CDH18: variants seen among roughly 807,000 people sequenced by gnomAD.
CDH18 encodes cadherin-18.
CDH18 carries 31 observed loss-of-function variants against 67.9 expected under a neutral mutation model. The ratio of observed to expected loss-of-function variants is 0.46; its 90% CI spans 0.34 to 0.62. The LOEUF (loss-of-function observed/expected upper bound fraction) is 0.62. CDH18 is among the 20% of genes least tolerant of loss of function. The pLI is 0.01. For synonymous variants in CDH18, 362 were observed against 347.2 expected (o/e 1.04, Z -0.48); for missense variants, 890 against 975.5 (o/e 0.91, Z 1.17).
chr5:19,816,810 C>A (rs967607485), intron 3 of CDH18, among the ~76,000 whole-genome samples: 1 of 151,632 alleles, frequency 6.6e-6, no homozygotes, highest in African/African-American at 2.4e-5. Context: ...ACTCTGAAAA[C>A]CAGTACCCTC....
chr5:19,805,719 T>C (rs1237995846), intron 3 of CDH18, among the ~76,000 whole-genome samples: 8 of 152,240 alleles, frequency 5.3e-5, no homozygotes, highest in African/African-American at 9.6e-5. Context: ...CCTTTTTTTT[T>C]CCCTTTCAAC....
intron 3 of CDH18, among the ~76,000 whole-genome samples, chr5:19,765,591 A>G (rs534851029): frequency 2.7e-3 from 410 of 152,302 alleles, no homozygotes; most frequent in Non-Finnish European, 4.9e-3. Context: ...TAAAAACACA[A>G]TGAAGCTAAT....
intron 2 of CDH18, among the ~76,000 whole-genome samples, chr5:20,032,405 G>GA (rs1258323848): frequency 3.3e-5 from 5 of 151,894 alleles, no homozygotes; most frequent in Admixed American, 1.3e-4. Context: ...GAACTTTAAA[G>GA]AAAAAATAGA....
intron 2 of CDH18, among the ~76,000 whole-genome samples, chr5:19,967,801 C>T (rs1343827992): frequency 6.6e-6 from 1 of 152,116 alleles, no homozygotes; most frequent in East Asian, 1.9e-4. Context: ...TGCCCTCTCT[C>T]ACCACTCCTA....
intron 5 of CDH18, among the ~76,000 whole-genome samples, chr5:19,669,413 C>A (rs1053020729): frequency 2.0e-5 from 3 of 151,640 alleles, no homozygotes; most frequent in Admixed American, 6.6e-5. Flanking sequence ...CTGCCTCAGC[C>A]GCCTGAGTAG....
intron 2 of CDH18, among the ~76,000 whole-genome samples, chr5:19,869,624 G>A (rs1290781907): frequency 6.6e-6 from 1 of 151,968 alleles, no homozygotes; most frequent in African/African-American, 2.4e-5. Flanking sequence ...ATGACTTCTT[G>A]TTCTTGGAAG....
chr5:20,069,666 C>T (rs1743297381), intron 2 of CDH18, among the ~76,000 whole-genome samples: 1 of 152,070 alleles, frequency 6.6e-6, no homozygotes, highest in African/African-American at 2.4e-5. Context: ...CCACCTCAGC[C>T]TCCAAAAGTG....
chr5:19,677,212 G>A (rs527772889), intron 5 of CDH18, among the ~76,000 whole-genome samples: 17 of 152,170 alleles, frequency 1.1e-4, no homozygotes, highest in African/African-American at 4.1e-4. Flanking sequence ...GTAACTTTCA[G>A]CAGAAACCAT....
intron 7 of CDH18, among the ~76,000 whole-genome samples, chr5:19,575,475 A>G (rs1302613157): frequency 1.3e-5 from 2 of 152,204 alleles, no homozygotes; most frequent in African/African-American, 4.8e-5. Flanking sequence ...TGACATATAC[A>G]AAAGATCATT....
intron 3 of CDH18, among the ~76,000 whole-genome samples, chr5:19,795,796 G>A (rs1369222988): frequency 6.6e-6 from 1 of 151,746 alleles, no homozygotes; most frequent in Non-Finnish European, 1.5e-5. Context: ...ATCTGACAAG[G>A]GTTTAAAAGT....
intron 2 of CDH18, among the ~76,000 whole-genome samples, chr5:19,902,889 G>C (rs116377834): frequency 0.02 from 2,977 of 152,142 alleles, 87 homozygotes; most frequent in African/African-American, 0.065. Flanking sequence ...GAAGCACCCC[G>C]TATTGTATCA....
intron 10 of CDH18, among the ~76,000 whole-genome samples, chr5:19,509,400 T>G (rs560393780): frequency 6.6e-6 from 1 of 152,186 alleles, no homozygotes; most frequent in Non-Finnish European, 1.5e-5. Flanking sequence ...GTATACAACA[T>G]ACCCATGTAA....
chr5:20,448,115 G>A (rs745325141), intron 1 of CDH18, among the ~76,000 whole-genome samples: 17 of 150,606 alleles, frequency 1.1e-4, no homozygotes, highest in East Asian at 5.9e-4. Context: ...AAGCGCTCTC[G>A]TTCAATTCCC....
At chr5:19,853,426 T>C (rs1047614645) in intron 2 of CDH18, among the ~76,000 whole-genome samples, 13 of 152,240 alleles carry the variant, frequency 8.5e-5, no homozygotes, top group African/African-American at 2.9e-4. Flanking sequence ...GCCTTGGGCA[T>C]ATACATTTGT....
chr5:20,410,366 G>A (rs532876475), intron 1 of CDH18, among the ~76,000 whole-genome samples: 5 of 151,738 alleles, frequency 3.3e-5, no homozygotes, highest in East Asian at 1.9e-4. Context: ...CTACATTAAC[G>A]AAATAAAAAC....
rs1196659514 is a variant in CDH18 at position 20,031,518 on chromosome 5, C to A, written c.-517-39504G>T. On this transcript the variant is annotated intron_variant, in intron 2 of 14. Coordinates refer to the CDH18 transcript ENST00000507958. ...CTCACTTACACCTCATAAAGTGAGA[C>A]CTTCGATTCACCCCTGCTGCTCTCT... Among the ~76,000 whole-genome samples, 7 of 152,026 alleles carry A rather than the reference C, an allele frequency of 4.6e-5. No individual in the cohort carries two copies. In the South Asian group the frequency reaches 1.0e-3, roughly 23 times the overall value.
At chr5:19,736,175 T>C (rs1201696379) in intron 4 of CDH18, among the ~76,000 whole-genome samples, 1 of 152,176 alleles carries the variant, frequency 6.6e-6, no homozygotes, top group African/African-American at 2.4e-5. Context: ...CACTTGAACG[T>C]AACAATTAAA....
intron 1 of CDH18, among the ~76,000 whole-genome samples, chr5:20,520,938 G>T (rs1387693066): frequency 6.6e-6 from 1 of 152,144 alleles, no homozygotes; most frequent in Non-Finnish European, 1.5e-5. Context: ...CACTGCACAA[G>T]ACCAGTCAGC....
chr5:19,580,153 T>C (rs908510370), intron 7 of CDH18, among the ~76,000 whole-genome samples: 1 of 151,872 alleles, frequency 6.6e-6, no homozygotes, highest in East Asian at 1.9e-4. Context: ...TTCAAAGTTT[T>C]TTGGTTATAA....
Sources: allele counts gnomAD v4.1 joint callset (sites outside exome capture counted in the v4.1 genomes callset), GRCh38; gene constraint gnomAD v4.1.1; transcripts MANE v1.5; gene names NCBI Gene and HGNC (gene_info 2026-07-23, HGNC 2026-07-21).